Variants in LHX9 observed in about 807,000 individuals in gnomAD.
LHX9 encodes the protein LIM homeobox 9, also known as LIM/homeobox protein Lhx9.
A neutral mutation model predicts 36.5 loss-of-function variants in LHX9; 9 were observed. The observed-to-expected ratio is 0.25, with a 90% CI of 0.15 to 0.43. The LOEUF (loss-of-function observed/expected upper bound fraction) is 0.43. LHX9 is among the 20% of genes least tolerant of loss of function. The pLI, the probability that LHX9 is intolerant of heterozygous loss-of-function variation, is 1.00. For missense variants in LHX9, 464 were observed against 526.4 expected (o/e 0.88, Z 1.16); for synonymous variants, 211 against 212.1 (o/e 0.99, Z 0.04).
chr1:197,921,012 C>G lies in LHX9; in HGVS notation c.378-292C>G, dbSNP rs1225634025. 6.6e-6 allele frequency among the ~76,000 whole-genome samples: 1 copy of G among 152,104 alleles called. No homozygotes were observed. The highest frequency in any genetic ancestry group is 1.5e-5 in the Non-Finnish European group (1 of 68,026). ...TTCTAGTACCGTGAGTTAGCTAGTG[C>G]TAACTAGTGGTTTGCTTTTTTAAAT... On this transcript the variant is annotated intron_variant, in intron 2 of 4. Coordinates refer to ENST00000367387, the MANE Select transcript of LHX9 (RefSeq NM_020204.3). This position sits in a 1 kb window ranked among gnomAD's most constrained non-coding sequence, Gnocchi z 4.6.
At chr1:197,920,203 C>T (rs375746568) in intron 2 of LHX9, 29 bp downstream of exon 2, 25 of 1,603,200 alleles carry the variant, frequency 1.6e-5, no homozygotes, top group African/African-American at 1.2e-4. Context: ...ACTTCCTACG[C>T]CCGAGTACAC....
chr1:197,916,659 G>C (rs1659765393), upstream of LHX9: 1 of 702,872 alleles, frequency 1.4e-6, no homozygotes, highest in Admixed American at 2.0e-5. Context: ...AAATTGTTTT[G>C]CCAAAAGTAA....
chr1:197,917,237 G>A, upstream of LHX9: 1 of 1,205,392 alleles, frequency 8.3e-7, no homozygotes, highest in Non-Finnish European at 1.1e-6. Context: ...CCAGGGGGTT[G>A]AGAGGAGTAT....
rs933334632 is a variant in LHX9, at chr1:197,932,418, T to A, written c.*3159T>A. On this transcript the variant is annotated 3_prime_UTR_variant, in exon 5 of 5. Transcript: ENST00000367387. Reference sequence around the variant, plus strand: ...TATCACCCATTTAAGAGTATAGGGATCAAACCCCAGTAATTTTAGCATTAT... The same window carrying A: ...TATCACCCATTTAAGAGTATAGGGAACAAACCCCAGTAATTTTAGCATTAT... 2 of 153,922 alleles carry A rather than the reference T, an allele frequency of 1.3e-5. No homozygotes were observed. The highest frequency in any genetic ancestry group is 4.8e-5 in the African/African-American group (2 of 41,490). The allele number at this position is 153,922 out of a possible 1,614,324, so 9.5% of individuals were successfully genotyped here.
At chr1:197,923,552 GT>G (rs150358936) in intron 3 of LHX9, among the ~76,000 whole-genome samples, 2 of 151,286 alleles carry the variant, frequency 1.3e-5, no homozygotes, top group African/African-American at 2.4e-5. Context: ...AAACTAGTGA[GT>G]TTTTTTTTGA....
rs751739406 is a variant in LHX9 at position 197,920,045 on chromosome 1, A to G, written c.248A>G (p.Tyr83Cys). 17 of 1,614,148 alleles carry G rather than the reference A, an allele frequency of 1.1e-5. No homozygotes were observed. Among genetic ancestry groups the G allele is most frequent in the Admixed American group, 3.3e-5 (2 of 60,010 alleles). ...GCGGKISDRY[Y>C]LLAVDKQWHL... The stretch of plus-strand genomic sequence containing the variant: ...GGGGGCAAGATCTCGGACAGGTACT[A>G]TCTGCTGGCTGTGGACAAACAGTGG... Residue 83 changes from tyrosine to cysteine, a missense_variant, in exon 2 of 5, where the codon TAT (tyrosine) becomes TGT (cysteine). Tyr to Cys is a radical substitution (Grantham distance 194). Coordinates refer to ENST00000367387, the MANE Select transcript of LHX9 (RefSeq NM_020204.3).
upstream of LHX9, among the ~76,000 whole-genome samples, chr1:197,914,011 C>A (rs1659683475): frequency 6.6e-6 from 1 of 152,194 alleles, no homozygotes; most frequent in African/African-American, 2.4e-5. Context: ...CCTGAGCCGG[C>A]GACAAGGGCG....
upstream of LHX9, chr1:197,917,345 C>T: frequency 7.8e-7 from 1 of 1,276,426 alleles, no homozygotes; most frequent in Non-Finnish European, 1.0e-6. Flanking sequence ...AGTCTCTTAA[C>T]AAATTGGACA....
Position 197,921,887 on chromosome 1 carries a change from A to G in LHX9, c.733+228A>G, listed in dbSNP as rs1225138751. ...TGTGGCAAAAAACACATTCATAACT[A>G]TGGGGCTGTAGTGACTTTCCCCAAA... On this transcript the variant is annotated intron_variant, in intron 3 of 4. Coordinates refer to ENST00000367387, the MANE Select transcript of LHX9 (RefSeq NM_020204.3). The surrounding 1 kb of genome is among the most constrained non-coding windows in gnomAD (Gnocchi z 4.6). Among the ~76,000 whole-genome samples, 2 of 152,104 alleles carry G rather than the reference A, an allele frequency of 1.3e-5. No homozygotes were observed. Among genetic ancestry groups the G allele is most frequent in the Non-Finnish European group, 2.9e-5 (2 of 68,004 alleles).
rs1553230398 is a variant in LHX9, at chr1:197,932,084, A to AAAG, written c.*2826_*2827insAGA. 10 of 725,880 alleles carry AAAG rather than the reference A, an allele frequency of 1.4e-5. No individual in the cohort carries two copies. Among genetic ancestry groups the AAAG allele is most frequent in the East Asian group, 5.5e-5 (2 of 36,146 alleles). The allele number at this position is 725,880 out of a possible 1,614,324, so 45.0% of individuals were successfully genotyped here. A position where few individuals can be genotyped will look rare whatever the true frequency, so the allele number is the denominator to read the frequency against. ...TAAAAAATTTATTAAGCCAAAAAAAAAGAGAGAGAGAGAGACTTAAATGTC... is the reference window on the plus strand; with the variant it reads ...TAAAAAATTTATTAAGCCAAAAAAAAAAGAGAGAGAGAGAGAGACTTAAATGTC... On this transcript the variant is annotated 3_prime_UTR_variant, in exon 5 of 5. Coordinates refer to ENST00000367387, the MANE Select transcript of LHX9 (RefSeq NM_020204.3).
upstream of LHX9, chr1:197,912,572 C>T (rs769086543): frequency 1.9e-6 from 3 of 1,613,804 alleles, no homozygotes; most frequent in Non-Finnish European, 2.5e-6. Flanking sequence ...GAGTTATGTG[C>T]CAGGTTCCTT....
Position 197,917,685 on chromosome 1 carries a change from T to C in LHX9, c.-139T>C. The C allele has an allele frequency of 6.4e-7, 1 of 1,572,112 alleles. No homozygotes were observed. Among genetic ancestry groups the C allele is most frequent in the Middle Eastern group, 1.7e-4 (1 of 5,738 alleles). ...CCTCGGCCCCCCAAGCAGACCGATT[T>C]CCACTCCATCTGTTTCTTCTCCTCC... On this transcript the variant is annotated 5_prime_UTR_variant, in exon 1 of 5. Transcript: ENST00000367387.
rs568608339 is a variant in LHX9, at chr1:197,930,827, T to G, written c.*1568T>G. ...ACACTGTAACAGAAGAAAGGTGTGA[T>G]TGCCATTATATATTTAGCAAGTATG... On this transcript the variant is annotated 3_prime_UTR_variant, in exon 5 of 5. Transcript: ENST00000367387. 49 of 152,142 alleles carry G rather than the reference T, an allele frequency of 3.2e-4. No individual in the cohort carries two copies. Among genetic ancestry groups the G allele is most frequent in the African/African-American group, 1.2e-3 (48 of 41,572 alleles). 9.4% of individuals were successfully genotyped at this position (152,142 alleles called of 1,614,324 possible).
rs1659974582 is a variant in LHX9 at position 197,921,236 on chromosome 1, G to A, written c.378-68G>A. 1 of 1,369,284 alleles carries A rather than the reference G, an allele frequency of 7.3e-7. No homozygotes were observed. The highest frequency in any genetic ancestry group is 1.0e-6 in the Non-Finnish European group (1 of 991,656). The allele number at this position is 1,369,284 out of a possible 1,614,324, so 84.8% of individuals were successfully genotyped here. ...CTCAGGCCACTGCAGACCAAACCCA[G>A]GTGTCGCGGGTGGGATATGGCTCTG... On this transcript the variant is annotated intron_variant, in intron 2 of 4. Transcript: ENST00000367387. This position sits in a 1 kb window ranked among gnomAD's most constrained non-coding sequence, Gnocchi z 4.6.
chr1:197,917,494 C>T lies in LHX9; in HGVS notation c.-330C>T, dbSNP rs1415161092. ...TCTTTCTTCACCAGATTTTGTTTTCCTCCCCCCGCTGCAGTTGTTTCCCAT... is the reference window on the plus strand; with the variant it reads ...TCTTTCTTCACCAGATTTTGTTTTCTTCCCCCCGCTGCAGTTGTTTCCCAT... On this transcript the variant is annotated 5_prime_UTR_variant, in exon 1 of 5. Transcript: ENST00000367387. 2.9e-6 allele frequency: 4 copies of T among 1,382,342 alleles called. No individual in the cohort carries two copies. Among genetic ancestry groups the T allele is most frequent in the Non-Finnish European group, 3.8e-6 (4 of 1,040,016 alleles). The allele number at this position is 1,382,342 out of a possible 1,614,324, so 85.6% of individuals were successfully genotyped here.
intron 3 of LHX9, among the ~76,000 whole-genome samples, chr1:197,922,253 A>G (rs1406048592): frequency 6.6e-6 from 1 of 152,198 alleles, no homozygotes; most frequent in Admixed American, 6.5e-5. Context: ...AAGCCAGGAT[A>G]TTCAACCAGC....
chr1:197,922,113 G>A (rs1316593732), intron 3 of LHX9, among the ~76,000 whole-genome samples: 1 of 152,162 alleles, frequency 6.6e-6, no homozygotes, highest in Non-Finnish European at 1.5e-5. Flanking sequence ...AGAGGCTGTG[G>A]TCACCAGCCC....
At chr1:197,912,637 G>C, upstream of LHX9, 1 of 1,424,946 alleles carries the variant, frequency 7.0e-7, no homozygotes, top group Non-Finnish European at 9.9e-7. Flanking sequence ...GTGTGTGCGT[G>C]TGTGTGCGCC....
chr1:197,912,487 A>G (rs749561965), upstream of LHX9: 6 of 1,611,412 alleles, frequency 3.7e-6, no homozygotes, highest in Admixed American at 1.0e-4. Flanking sequence ...TTTCTCTGCC[A>G]GTGCAACCAC....
Sources: allele counts gnomAD v4.1 joint callset (sites outside exome capture counted in the v4.1 genomes callset), GRCh38; gene constraint gnomAD v4.1.1; non-coding constraint Gnocchi (gnomAD v3.1); transcripts MANE v1.5; gene names NCBI Gene and HGNC (gene_info 2026-07-23, HGNC 2026-07-21).